SHISA9: variants seen among roughly 807,000 people sequenced by gnomAD.
SHISA9 encodes shisa family member 9, also known as protein shisa-9.
In SHISA9, 13 loss-of-function variants were observed where a neutral mutation model predicts 38.0. The ratio of observed to expected loss-of-function variants is 0.34; its 90% CI spans 0.22 to 0.54. SHISA9 has a LOEUF of 0.54. SHISA9 is among the 20% of genes least tolerant of loss of function. SHISA9 has a pLI of 0.91. For synonymous variants in SHISA9, 275 were observed against 242.0 expected, an observed-to-expected ratio of 1.14 and a Z score of -1.27; for missense variants, 538 against 575.8, an observed-to-expected ratio of 0.93 and a Z score of 0.67.
rs1596527721 is a variant in SHISA9 at position 12,916,580 on chromosome 16, C to A, written c.564-108C>A. On this transcript the variant is annotated intron_variant, in intron 1 of 4. Coordinates refer to ENST00000558583, the MANE Select transcript of SHISA9 (RefSeq NM_001145204.3). The stretch of plus-strand genomic sequence containing the variant: ...CCACCCCTAACTAGAATGGTGGCTC[C>A]ATGGAGTAATCCGCCTTGCCATTTG... 5 of 1,309,378 alleles carry A rather than the reference C, an allele frequency of 3.8e-6. No homozygotes were observed. The East Asian group carries it at 8.1e-5, about 21-fold the overall frequency. The allele number at this position is 1,309,378 out of a possible 1,614,324, so 81.1% of individuals were successfully genotyped here.
rs181697156 is a variant in SHISA9, at chr16:13,099,678, G to A, written c.692-103716G>A. ...GCATGGCTGGACCCCGATGGGCAGC[G>A]GGGACGGGGTTGGTGGGGGCAGAAG... On this transcript the variant is annotated intron_variant, in intron 2 of 4. Coordinates refer to ENST00000558583, the MANE Select transcript of SHISA9 (RefSeq NM_001145204.3). 2.7e-3 allele frequency among the ~76,000 whole-genome samples: 405 copies of A among 152,306 alleles called. 1 individual carries two copies. The highest frequency in any genetic ancestry group is 3.5e-3 in the Admixed American group (54 of 15,298).
the SHISA9 span, among the ~76,000 whole-genome samples, chr16:13,356,347 C>T: frequency 6.6e-6 from 1 of 152,096 alleles, no homozygotes; most frequent in Non-Finnish European, 1.5e-5. Context: ...TGCTGCCAAA[C>T]AAGTCATGAA....
chr16:13,427,995 C>T, the SHISA9 span, among the ~76,000 whole-genome samples: 2 of 152,068 alleles, frequency 1.3e-5, no homozygotes, highest in Admixed American at 6.6e-5. Flanking sequence ...AGAGTTTGCT[C>T]CGAGGACAAA....
intron 2 of SHISA9, among the ~76,000 whole-genome samples, chr16:13,045,941 T>C (rs2073183534): frequency 6.6e-6 from 1 of 152,236 alleles, no homozygotes; most frequent in South Asian, 2.1e-4. Flanking sequence ...AGCATGGATT[T>C]ATTATATGTC....
At chr16:13,527,437 C>G in the SHISA9 span, among the ~76,000 whole-genome samples, 4 of 151,974 alleles carry the variant, frequency 2.6e-5, no homozygotes, top group Admixed American at 6.6e-5. Context: ...CACTGAGAGC[C>G]CAGAGTTGAG....
the SHISA9 span, among the ~76,000 whole-genome samples, chr16:13,422,019 G>C: frequency 6.6e-6 from 1 of 152,168 alleles, no homozygotes; most frequent in Non-Finnish European, 1.5e-5. Context: ...GGTTGGTTTT[G>C]CAGAACCAGC....
chr16:13,183,043 G>C (rs1045197609), intron 2 of SHISA9, among the ~76,000 whole-genome samples: 1 of 152,164 alleles, frequency 6.6e-6, no homozygotes, highest in African/African-American at 2.4e-5. Flanking sequence ...CATGTAGCCT[G>C]GGCTTCCCTA....
chr16:13,060,037 C>G (rs2073355891), intron 2 of SHISA9, among the ~76,000 whole-genome samples: 1 of 152,118 alleles, frequency 6.6e-6, no homozygotes, highest in Admixed American at 6.5e-5. Context: ...CTGATTATTA[C>G]CCCCATTTGA....
intron 2 of SHISA9, among the ~76,000 whole-genome samples, chr16:12,992,033 G>T (rs531139226): frequency 6.6e-5 from 10 of 152,248 alleles, no homozygotes; most frequent in African/African-American, 2.4e-4. Flanking sequence ...CAAATATTTT[G>T]TTGAAGAAAT....
the SHISA9 span, among the ~76,000 whole-genome samples, chr16:13,377,994 C>G: frequency 6.6e-6 from 1 of 152,134 alleles, no homozygotes; most frequent in Non-Finnish European, 1.5e-5. Flanking sequence ...GATTGTGCCA[C>G]TGCACTCCAG....
intron 2 of SHISA9, among the ~76,000 whole-genome samples, chr16:13,027,196 G>C (rs1596595415): frequency 6.6e-6 from 1 of 152,158 alleles, no homozygotes. Flanking sequence ...TGGAAATTCT[G>C]TCCAACATTT....
At chr16:13,288,380 G>A in the SHISA9 span, among the ~76,000 whole-genome samples, 5 of 152,000 alleles carry the variant, frequency 3.3e-5, no homozygotes, top group South Asian at 2.1e-4. Flanking sequence ...CACAGAGGAC[G>A]GCCTTCTCAT....
chr16:13,152,500 G>A (rs2050508109), intron 2 of SHISA9, among the ~76,000 whole-genome samples: 1 of 152,200 alleles, frequency 6.6e-6, no homozygotes, highest in South Asian at 2.1e-4. Context: ...CACACTTTAG[G>A]AAGGAGGGAG....
At chr16:13,435,911 T>G in the SHISA9 span, among the ~76,000 whole-genome samples, 4 of 152,140 alleles carry the variant, frequency 2.6e-5, no homozygotes, top group Admixed American at 6.5e-5. Context: ...GTGAGCTGTA[T>G]GGCTCTTCAC....
At chr16:13,048,038 C>G (rs894980024) in intron 2 of SHISA9, among the ~76,000 whole-genome samples, 1 of 152,172 alleles carries the variant, frequency 6.6e-6, no homozygotes, top group South Asian at 2.1e-4. Context: ...TAGTGCCCAC[C>G]ATTGAGACTT....
At chr16:13,405,413 C>T in the SHISA9 span, among the ~76,000 whole-genome samples, 12 of 152,170 alleles carry the variant, frequency 7.9e-5, no homozygotes, top group African/African-American at 2.9e-4. Flanking sequence ...TGGAAATCAG[C>T]CGCTCTGCAA....
intron 2 of SHISA9, among the ~76,000 whole-genome samples, chr16:12,997,062 T>A (rs145109353): frequency 1.0e-3 from 156 of 152,252 alleles, no homozygotes; most frequent in African/African-American, 3.6e-3. Flanking sequence ...CATATAGCCC[T>A]GCAACCAACT....
At chr16:12,995,921 G>A (rs768092258) in intron 2 of SHISA9, among the ~76,000 whole-genome samples, 19 of 152,128 alleles carry the variant, frequency 1.2e-4, no homozygotes, top group Admixed American at 1.1e-3. Flanking sequence ...ACATACCCAC[G>A]GCTCTGATGG....
the SHISA9 span, among the ~76,000 whole-genome samples, chr16:13,447,295 G>C: frequency 5.3e-5 from 8 of 152,188 alleles, no homozygotes; most frequent in Non-Finnish European, 1.0e-4. Context: ...CAACAGGGGG[G>C]TTCCTAAGTC....
Sources: allele counts gnomAD v4.1 joint callset (sites outside exome capture counted in the v4.1 genomes callset), GRCh38; gene constraint gnomAD v4.1.1; transcripts MANE v1.5; gene names NCBI Gene and HGNC (gene_info 2026-07-23, HGNC 2026-07-21).